CDH12: variants seen among roughly 807,000 people sequenced by gnomAD.
CDH12 encodes cadherin 12.
In CDH12, 41 loss-of-function variants were observed where a neutral mutation model predicts 74.1. That is an observed-to-expected ratio of 0.55 (90% CI 0.43 to 0.72). The LOEUF (loss-of-function observed/expected upper bound fraction) is 0.72. Among genes scored for constraint, CDH12 ranks in the 30% least tolerant of loss-of-function variants. The pLI is 0.00. For missense variants in CDH12, 945 were observed against 977.2 expected (o/e 0.97, Z 0.44); for synonymous variants, 399 against 355.0 (o/e 1.12, Z -1.39).
intron 6 of CDH12, among the ~76,000 whole-genome samples, chr5:21,873,068 A>G (rs1041754079): frequency 1.3e-5 from 2 of 152,160 alleles, no homozygotes; most frequent in African/African-American, 4.8e-5. Flanking sequence ...CCTAAAATCA[A>G]CACTGTAATT....
Position 22,779,833 on chromosome 5 carries a change from A to G in CDH12, c.-523+73225T>C, listed in dbSNP as rs1441940713. On this transcript the variant is annotated intron_variant, in intron 1 of 14. Coordinates refer to ENST00000382254, the MANE Select transcript of CDH12 (RefSeq NM_004061.5). ...AACCTTTTTTCTTTATGAAGTACCC[A>G]GTTTCAGGCAGTTCTTTATAGCAGT... Among the ~76,000 whole-genome samples, 3 of 152,168 alleles carry G rather than the reference A, an allele frequency of 2.0e-5. No homozygotes were observed. In the East Asian group the frequency reaches 5.8e-4, roughly 29 times the overall value.
intron 2 of CDH12, among the ~76,000 whole-genome samples, chr5:22,453,422 C>A (rs141953750): frequency 2.0e-5 from 3 of 152,116 alleles, no homozygotes; most frequent in East Asian, 3.9e-4. Context: ...GAATGAAATT[C>A]TATTGTTTGT....
rs71609744 is a variant in CDH12, at chr5:22,153,913, T to TAC, written c.-187+58583_-187+58584dup. On this transcript the variant is annotated intron_variant, in intron 4 of 14. Coordinates refer to ENST00000382254, the MANE Select transcript of CDH12 (RefSeq NM_004061.5). ...AAATATATATATATATACACACACATACACACACACACACAAACATATATA... is the reference window on the plus strand; with the variant it reads ...AAATATATATATATATACACACACATACACACACACACACACAAACATATATA... 8.5e-3 allele frequency among the ~76,000 whole-genome samples: 1,101 copies of TAC among 130,234 alleles called. 13 individuals carry two copies. The highest frequency in any genetic ancestry group is 0.028 in the African/African-American group (947 of 34,128). 85.4% of individuals were successfully genotyped at this position (130,234 alleles called of 152,430 possible).
chr5:21,845,555 C>CTTTTT (rs11437870), intron 7 of CDH12, among the ~76,000 whole-genome samples: 1 of 133,788 alleles, frequency 7.5e-6, no homozygotes, highest in African/African-American at 2.7e-5. Context: ...CCACTTTAGT[C>CTTTTT]TTTTTTTTTT....
At position 22,115,666 on chromosome 5, in the gene CDH12, A is replaced by T. The variant is rs187217991; in HGVS notation, c.-186-36804T>A. 6.1e-5 allele frequency among the ~76,000 whole-genome samples: 9 copies of T among 148,272 alleles called. No individual in the cohort carries two copies. The East Asian group carries it at 1.4e-3, about 23-fold the overall frequency. On this transcript the variant is annotated intron_variant, in intron 4 of 14. Coordinates refer to ENST00000382254, the MANE Select transcript of CDH12 (RefSeq NM_004061.5). The stretch of plus-strand genomic sequence containing the variant: ...TTTAGCTTTGGGTTGTGACAAGGAT[A>T]GGCACAATTTTGGTCCTCGCGACTT...
In CDH12 at chr5:21,750,705, T is replaced by C. The variant is rs1743997903; in HGVS notation, c.*1032A>G. On this transcript the variant is annotated 3_prime_UTR_variant, in exon 15 of 15. Coordinates refer to ENST00000382254, the MANE Select transcript of CDH12 (RefSeq NM_004061.5). ...TGCTCATCAAAGAATCACTAGATTGTAAGAAACTCTGAGAAACTGTATAAT... is the reference window on the plus strand; with the variant it reads ...TGCTCATCAAAGAATCACTAGATTGCAAGAAACTCTGAGAAACTGTATAAT... The C allele has an allele frequency of 6.6e-6, 1 of 152,142 alleles. No homozygotes were observed. 9.4% of individuals were successfully genotyped at this position (152,142 alleles called of 1,614,324 possible). A position where few individuals can be genotyped will look rare whatever the true frequency, so the allele number is the denominator to read the frequency against.
chr5:22,045,689 C>A (rs1464878970), intron 5 of CDH12, among the ~76,000 whole-genome samples: 2 of 150,600 alleles, frequency 1.3e-5, no homozygotes, highest in Non-Finnish European at 1.5e-5. Context: ...ATAAGCCAGA[C>A]ACAGAAAGAC....
At chr5:22,074,336 G>A (rs1392404588) in intron 5 of CDH12, among the ~76,000 whole-genome samples, 1 of 152,132 alleles carries the variant, frequency 6.6e-6, no homozygotes, top group African/African-American at 2.4e-5. Flanking sequence ...AGACTTAAAT[G>A]TTAGACCTAA....
chr5:22,850,248 A>T (rs1011279199), intron 1 of CDH12, among the ~76,000 whole-genome samples: 1 of 152,050 alleles, frequency 6.6e-6, no homozygotes, highest in African/African-American at 2.4e-5. Context: ...TACAGGCAGC[A>T]TAGTACACAT....
chr5:22,277,287 C>T (rs959616555), intron 3 of CDH12, among the ~76,000 whole-genome samples: 2 of 152,156 alleles, frequency 1.3e-5, no homozygotes, highest in East Asian at 1.9e-4. Flanking sequence ...CAAACTGGCT[C>T]CAGCTCAGCT....
At chr5:22,673,121 C>T (rs1196067049) in intron 1 of CDH12, among the ~76,000 whole-genome samples, 1 of 152,072 alleles carries the variant, frequency 6.6e-6, no homozygotes, top group Non-Finnish European at 1.5e-5. Context: ...TCCAGTCTTT[C>T]TGAAGTCATA....
chr5:22,347,753 A>C (rs1228953567), intron 3 of CDH12, among the ~76,000 whole-genome samples: 1 of 152,204 alleles, frequency 6.6e-6, no homozygotes, highest in Non-Finnish European at 1.5e-5. Flanking sequence ...TATTACCATC[A>C]GGATTCCTAT....
intron 5 of CDH12, among the ~76,000 whole-genome samples, chr5:22,025,565 G>A (rs1580130500): frequency 6.6e-6 from 1 of 152,162 alleles, no homozygotes; most frequent in Non-Finnish European, 1.5e-5. Flanking sequence ...GGTGGTTGCT[G>A]AAGGCTGGGT....
intron 14 of CDH12, among the ~76,000 whole-genome samples, chr5:21,754,018 A>C (rs1744243943): frequency 6.6e-6 from 1 of 152,218 alleles, no homozygotes. Context: ...CAAAGAAAAA[A>C]ACGAGGAGGA....
intron 10 of CDH12, among the ~76,000 whole-genome samples, chr5:21,789,409 T>C (rs1315846972): frequency 1.3e-5 from 2 of 152,144 alleles, no homozygotes; most frequent in Non-Finnish European, 2.9e-5. Context: ...TAAGTGTCAC[T>C]GTCTTTTGCT....
intron 1 of CDH12, among the ~76,000 whole-genome samples, chr5:22,770,812 C>G (rs1746768374): frequency 6.6e-6 from 1 of 151,988 alleles, no homozygotes; most frequent in South Asian, 2.1e-4. Flanking sequence ...TGTGCATCCA[C>G]TATAGGTCAC....
intron 1 of CDH12, among the ~76,000 whole-genome samples, chr5:22,715,642 A>G (rs1349125954): frequency 6.6e-6 from 1 of 151,920 alleles, no homozygotes. Flanking sequence ...CTCTATTAAA[A>G]ATACAAAAAT....
chr5:22,119,330 G>A (rs1745368374), intron 4 of CDH12, among the ~76,000 whole-genome samples: 1 of 122,952 alleles, frequency 8.1e-6, no homozygotes, highest in South Asian at 2.9e-4. Context: ...TTGATGTGTT[G>A]CCCAGGCTGG....
intron 1 of CDH12, among the ~76,000 whole-genome samples, chr5:22,677,441 G>T (rs1445573070): frequency 6.6e-6 from 1 of 152,010 alleles, no homozygotes; most frequent in African/African-American, 2.4e-5. Flanking sequence ...GTCCTTAAAT[G>T]GTCAAAGGAT....
Sources: gnomAD v4.1 joint callset for allele counts (sites outside exome capture counted in the v4.1 genomes callset) on GRCh38, gnomAD v4.1.1 for gene constraint, MANE v1.5 for transcripts, NCBI Gene and HGNC (gene_info 2026-07-23, HGNC 2026-07-21) for gene names.